PTK2: variants seen among roughly 807,000 people sequenced by gnomAD.
PTK2 encodes the protein protein tyrosine kinase 2, also known as focal adhesion kinase 1.
In PTK2, 45 loss-of-function variants were observed where a neutral mutation model predicts 150.1. That is an observed-to-expected ratio of 0.30 (90% confidence interval 0.24 to 0.38). The LOEUF (loss-of-function observed/expected upper bound fraction) is 0.38, where lower values mean the gene tolerates loss of function less well. Ranked by LOEUF, PTK2 falls within the 10% of genes least tolerant of loss-of-function variation. PTK2 has a pLI of 1.00. For synonymous variants in PTK2, 432 were observed against 449.2 expected, an observed-to-expected ratio of 0.96 and a Z score of 0.48; for missense variants, 919 against 1,307.3, an observed-to-expected ratio of 0.70 and a Z score of 4.58.
At chr8:140,914,096 T>C (rs995720668) in intron 2 of PTK2, among the ~76,000 whole-genome samples, 2 of 152,142 alleles carry the variant, frequency 1.3e-5, no homozygotes, top group Non-Finnish European at 2.9e-5. Flanking sequence ...AAAATAAAAA[T>C]ACAAATGTAT....
chr8:140,764,159 T>G, intron 15 of PTK2, 75 bp downstream of exon 17: 1 of 1,186,580 alleles, frequency 8.4e-7, no homozygotes, highest in Non-Finnish European at 1.3e-6. Context: ...AAAAAGACAG[T>G]AAGTATCAAT....
intron 1 of PTK2, among the ~76,000 whole-genome samples, chr8:140,955,592 A>G (rs1011186308): frequency 6.6e-6 from 1 of 152,244 alleles, no homozygotes; most frequent in Non-Finnish European, 1.5e-5. Context: ...AGAAAAAGTA[A>G]CTGAATTTTT....
At chr8:140,954,250 G>A (rs2100180479) in intron 1 of PTK2, among the ~76,000 whole-genome samples, 1 of 152,146 alleles carries the variant, frequency 6.6e-6, no homozygotes, top group Non-Finnish European at 1.5e-5. Flanking sequence ...AAAGTGCTGT[G>A]ATTACAGGCA....
In PTK2 at chr8:140,665,047, T is replaced by C. The variant is rs764580024; in HGVS notation, c.2866-50A>G. Reference sequence around the variant, plus strand: ...TATTAGAACACACACAAAGGATTTTTATGCTTTTCAGTTATATATTTTTTT... The same window carrying C: ...TATTAGAACACACACAAAGGATTTTCATGCTTTTCAGTTATATATTTTTTT... On this transcript the variant is annotated intron_variant, in intron 30 of 31. Coordinates refer to ENST00000522684, the Ensembl canonical transcript of PTK2. 1.5e-5 allele frequency: 22 copies of C among 1,501,212 alleles called. No homozygotes were observed. In the African/African-American group the frequency reaches 2.5e-4, roughly 17 times the overall value. The allele number at this position is 1,501,212 out of a possible 1,614,324, so 93.0% of individuals were successfully genotyped here.
chr8:140,904,366 A>G (rs2100160012), intron 2 of PTK2, among the ~76,000 whole-genome samples: 1 of 152,152 alleles, frequency 6.6e-6, no homozygotes, highest in South Asian at 2.1e-4. Flanking sequence ...AGTGGTGGAT[A>G]TGCTTTTTCA....
Position 140,673,778 on chromosome 8 carries a change from T to C in PTK2, c.2709+520A>G, listed in dbSNP as rs549619003. Among the ~76,000 whole-genome samples the C allele has an allele frequency of 7.9e-5, 12 of 152,300 alleles. No individual in the cohort carries two copies. In the East Asian group the frequency reaches 1.7e-3, roughly 22 times the overall value. Reference sequence around the variant, plus strand: ...ACTTCTGACTGCCAAACTCAGAAGCTTGTGGTTGTTTGTGCCTGAGTCAAA... The same window carrying C: ...ACTTCTGACTGCCAAACTCAGAAGCCTGTGGTTGTTTGTGCCTGAGTCAAA... On this transcript the variant is annotated intron_variant, in intron 29 of 31. Coordinates refer to ENST00000522684, the Ensembl canonical transcript of PTK2.
At position 140,890,772 on chromosome 8, in the gene PTK2, G is replaced by C. The variant is rs1382258356; in HGVS notation, c.-32-3C>G. On this transcript the variant is annotated splice_polypyrimidine_tract_variant and splice_region_variant and intron_variant, in intron 2 of 31. Transcript: ENST00000522684. Reference sequence around the variant, plus strand: ...AGATGCTAGGTATCTGTCATATTCTGTTAAAAGAACAAAATAATTTTTTGT... The same window carrying C: ...AGATGCTAGGTATCTGTCATATTCTCTTAAAAGAACAAAATAATTTTTTGT... 1 of 1,611,632 alleles carries C rather than the reference G, an allele frequency of 6.2e-7. No homozygotes were observed. The highest frequency in any genetic ancestry group is 1.7e-5 in the Admixed American group (1 of 59,880).
intron 8 of PTK2, among the ~76,000 whole-genome samples, chr8:140,824,227 A>G (rs1177232483): frequency 3.3e-5 from 5 of 152,206 alleles, no homozygotes; most frequent in African/African-American, 4.8e-5. Flanking sequence ...TTTGAAAGTA[A>G]TAACTATGCA....
At position 140,907,351 on chromosome 8, in the gene PTK2, A is replaced by G. The variant is rs566542437; in HGVS notation, c.-32-16582T>C. On this transcript the variant is annotated intron_variant, in intron 2 of 31. Transcript: ENST00000522684. ...TATACTCACTGGTTGAACATCCCAA[A>G]TAAGAAAATACAACATCTGCAATGC... is the stretch of plus-strand genomic sequence containing the variant. Among the ~76,000 whole-genome samples the G allele has an allele frequency of 2.0e-4, 30 of 152,316 alleles. No individual in the cohort carries two copies. The South Asian group carries it at 5.8e-3, about 29-fold the overall frequency.
intron 16 of PTK2, among the ~76,000 whole-genome samples, chr8:140,755,924 A>G (rs1027443769): frequency 1.3e-5 from 2 of 152,262 alleles, no homozygotes; most frequent in Admixed American, 6.5e-5. Context: ...ATGTTCTAGA[A>G]AAAGGATTTA....
chr8:140,969,535 G>A (rs2100186502), intron 1 of PTK2, among the ~76,000 whole-genome samples: 2 of 152,182 alleles, frequency 1.3e-5, no homozygotes, highest in Non-Finnish European at 2.9e-5. Context: ...GCAACTGACA[G>A]GTAATTATTC....
intron 1 of PTK2, among the ~76,000 whole-genome samples, chr8:140,990,916 T>C (rs1024186449): frequency 2.0e-5 from 3 of 152,230 alleles, no homozygotes; most frequent in Admixed American, 2.0e-4. Context: ...GGAGACTCTT[T>C]TTCACTCCTT....
chr8:140,770,733 T>C (rs2091410935), intron 14 of PTK2: 2 of 1,349,232 alleles, frequency 1.5e-6, no homozygotes, highest in Non-Finnish European at 2.0e-6. Context: ...AGGAGGATCA[T>C]GGGAACAGAA....
intron 12 of PTK2, among the ~76,000 whole-genome samples, chr8:140,800,172 T>C (rs571233151): frequency 3.9e-5 from 6 of 152,306 alleles, no homozygotes; most frequent in African/African-American, 7.2e-5. Flanking sequence ...AAAATACTAA[T>C]GTATTTAAAA....
At chr8:140,765,479 T>TA (rs974300319) in intron 14 of PTK2, among the ~76,000 whole-genome samples, 55 of 148,460 alleles carry the variant, frequency 3.7e-4, no homozygotes, top group South Asian at 1.9e-3. Flanking sequence ...GTGATTACAG[T>TA]AAAAAAAAAA....
At chr8:140,675,485 A>G in exon 28 of PTK2, 1 of 1,611,746 alleles carries the variant, frequency 6.2e-7, no homozygotes, top group Non-Finnish European at 8.5e-7. Flanking sequence ...GCTGATATAT[A>G]TGTTGGTTTC....
At chr8:140,674,121 G>A in intron 29 of PTK2, 177 bp downstream of exon 32, 1 of 761,126 alleles carries the variant, frequency 1.3e-6, no homozygotes, top group Non-Finnish European at 2.4e-6. Context: ...GCTTTTCCCT[G>A]ACTCTCAGAG....
chr8:140,680,419 G>T (rs754440203), intron 27 of PTK2, among the ~76,000 whole-genome samples: 1 of 152,002 alleles, frequency 6.6e-6, no homozygotes, highest in Admixed American at 6.6e-5. Flanking sequence ...TAGTAGAGAC[G>T]GGGTTTTACC....
rs1382646876 is a variant in PTK2, at chr8:140,825,950, T to C, written c.648+4522A>G. 3.9e-5 allele frequency among the ~76,000 whole-genome samples: 6 copies of C among 152,352 alleles called. No homozygotes were observed. The South Asian group carries it at 1.0e-3, about 26-fold the overall frequency. On this transcript the variant is annotated intron_variant, in intron 8 of 31. Transcript: ENST00000522684. ...AATTAAAATACTTGCAAATTATTCT[T>C]AGTAATTGAGGCACATATATCCCAG...
Sources: gnomAD v4.1 joint callset for allele counts (sites outside exome capture counted in the v4.1 genomes callset) on GRCh38, gnomAD v4.1.1 for gene constraint, MANE v1.5 for transcripts, NCBI Gene and HGNC (gene_info 2026-07-23, HGNC 2026-07-21) for gene names.